RAPGEF6: variants seen among roughly 807,000 people sequenced by gnomAD.
RAPGEF6 encodes PDZ domain containing guanine nucleotide exchange factor (GEF) 2.
In RAPGEF6, 56 loss-of-function variants were observed where a neutral mutation model predicts 171.4. The observed-to-expected ratio is 0.33, with a 90% CI of 0.26 to 0.41. The LOEUF is 0.41. RAPGEF6 is among the 10% of genes least tolerant of loss of function. The pLI is 1.00. For synonymous variants in RAPGEF6, 692 were observed against 650.1 expected (o/e 1.06, Z -0.98); for missense variants, 1,674 against 1,921.4 (o/e 0.87, Z 2.41).
At chr5:131,579,522 C>A (rs1762808368) in intron 4 of RAPGEF6, among the ~76,000 whole-genome samples, 1 of 152,214 alleles carries the variant, frequency 6.6e-6, no homozygotes, top group South Asian at 2.1e-4. Flanking sequence ...AATCCCTGAG[C>A]TAGACAGAGT....
intron 12 of RAPGEF6, among the ~76,000 whole-genome samples, chr5:131,497,464 C>T (rs1277836707): frequency 6.6e-6 from 1 of 152,044 alleles, no homozygotes; most frequent in African/African-American, 2.4e-5. Flanking sequence ...GATAATCTAC[C>T]CCTATCTTTA....
intron 6 of RAPGEF6, among the ~76,000 whole-genome samples, chr5:131,530,260 G>C (rs1342481127): frequency 6.6e-6 from 1 of 151,806 alleles, no homozygotes; most frequent in Non-Finnish European, 1.5e-5. Context: ...CCAGAAGACA[G>C]TGTAGTAACT....
chr5:131,480,487 G>C (rs113151948), intron 15 of RAPGEF6, among the ~76,000 whole-genome samples: 24 of 152,160 alleles, frequency 1.6e-4, no homozygotes, highest in African/African-American at 5.8e-4. Context: ...TTGATTGATT[G>C]ACTGATTTTG....
intron 20 of RAPGEF6, 108 bp downstream of exon 20, chr5:131,455,686 AATAGTGT>A: frequency 1.2e-6 from 1 of 825,118 alleles, no homozygotes; most frequent in African/African-American, 1.7e-5. Context: ...AAAATGGTAA[AATAGTGT>A]ATAGTTACCA....
At chr5:131,581,688 T>C (rs945771506) in intron 4 of RAPGEF6, among the ~76,000 whole-genome samples, 1 of 152,176 alleles carries the variant, frequency 6.6e-6, no homozygotes, top group African/African-American at 2.4e-5. Flanking sequence ...TTCTTCATTA[T>C]TAACATAAAA....
chr5:131,467,287 T>A (rs1412197793), intron 17 of RAPGEF6, among the ~76,000 whole-genome samples: 1 of 152,218 alleles, frequency 6.6e-6, no homozygotes, highest in African/African-American at 2.4e-5. Flanking sequence ...TATGATCACA[T>A]AAGATTGATT....
intron 24 of RAPGEF6, among the ~76,000 whole-genome samples, chr5:131,437,136 T>C (rs1489402108): frequency 6.6e-6 from 1 of 152,198 alleles, no homozygotes; most frequent in African/African-American, 2.4e-5. Context: ...GGTTGGGGTT[T>C]TGATAGTACA....
At chr5:131,498,349 TA>T in intron 12 of RAPGEF6, 93 bp downstream of exon 12, 5 of 1,176,136 alleles carry the variant, frequency 4.3e-6, no homozygotes, top group Non-Finnish European at 6.0e-6. Context: ...TACTGAATCT[TA>T]TTATCATAAT....
At chr5:131,433,703 A>C (rs1751851768) in intron 24 of RAPGEF6, 45 bp from the exon 25 acceptor site, 3 of 1,407,426 alleles carry the variant, frequency 2.1e-6, no homozygotes, top group Non-Finnish European at 3.0e-6. Context: ...AAAAGGGAAC[A>C]TATGGTGGGG....
intron 18 of RAPGEF6, 102 bp downstream of exon 18, chr5:131,463,939 G>A (rs1354552005): frequency 2.0e-6 from 3 of 1,478,346 alleles, no homozygotes; most frequent in South Asian, 1.5e-5. Flanking sequence ...GAATTTAGGA[G>A]CACTAAAACA....
At chr5:131,591,436 C>G (rs547485576) in intron 4 of RAPGEF6, among the ~76,000 whole-genome samples, 1 of 152,248 alleles carries the variant, frequency 6.6e-6, no homozygotes, top group African/African-American at 2.4e-5. Flanking sequence ...TAGAGTAAGT[C>G]ATTTATTTCT....
intron 4 of RAPGEF6, among the ~76,000 whole-genome samples, chr5:131,592,037 A>G (rs1004692871): frequency 5.9e-5 from 9 of 152,004 alleles, no homozygotes; most frequent in Non-Finnish European, 1.0e-4. Context: ...TTGTATTTTA[A>G]TAGAGACGGG....
intron 4 of RAPGEF6, among the ~76,000 whole-genome samples, chr5:131,565,043 A>T (rs1394804074): frequency 6.6e-6 from 1 of 152,250 alleles, no homozygotes; most frequent in East Asian, 1.9e-4. Context: ...TATTTTGATC[A>T]TCCTTTCTGA....
At chr5:131,549,923 T>C (rs1332378681) in intron 5 of RAPGEF6, among the ~76,000 whole-genome samples, 1 of 152,116 alleles carries the variant, frequency 6.6e-6, no homozygotes, top group Non-Finnish European at 1.5e-5. Flanking sequence ...TGTGTCCATG[T>C]GTTCTCATCA....
At chr5:131,449,877 G>A in intron 21 of RAPGEF6, 1 of 864,938 alleles carries the variant, frequency 1.2e-6, no homozygotes, top group Non-Finnish European at 1.8e-6. Flanking sequence ...CTTTCACCTT[G>A]TTAGCAGAAG....
chr5:131,512,989 T>A (rs914346326), intron 7 of RAPGEF6, among the ~76,000 whole-genome samples: 2 of 152,176 alleles, frequency 1.3e-5, no homozygotes, highest in African/African-American at 2.4e-5. Context: ...CAGTCTACAG[T>A]ATTTTGTTAC....
chr5:131,464,493 A>C (rs371912331), intron 17 of RAPGEF6, among the ~76,000 whole-genome samples: 1 of 151,988 alleles, frequency 6.6e-6, no homozygotes, highest in Non-Finnish European at 1.5e-5. Flanking sequence ...CCCAAAAACA[A>C]AACTTGGGCT....
intron 4 of RAPGEF6, among the ~76,000 whole-genome samples, chr5:131,564,808 A>C (rs950166305): frequency 6.6e-6 from 1 of 152,218 alleles, no homozygotes; most frequent in African/African-American, 2.4e-5. Context: ...AGAGAGATAT[A>C]AAAAAGACCT....
At chr5:131,475,935 C>A (rs1755059625) in intron 16 of RAPGEF6, among the ~76,000 whole-genome samples, 1 of 152,290 alleles carries the variant, frequency 6.6e-6, no homozygotes, top group Non-Finnish European at 1.5e-5. Flanking sequence ...CCAAAGAGGT[C>A]TGGCACACAG....
Sources: gnomAD v4.1 joint callset for allele counts (sites outside exome capture counted in the v4.1 genomes callset) on GRCh38, gnomAD v4.1.1 for gene constraint, MANE v1.5 for transcripts, NCBI Gene and HGNC (gene_info 2026-07-23, HGNC 2026-07-21) for gene names.